PLD5: variants seen among roughly 807,000 people sequenced by gnomAD.
PLD5 encodes phospholipase D family member 5.
Under a neutral mutation model 61.1 loss-of-function variants are expected in PLD5, and 36 were observed. That is an observed-to-expected ratio of 0.59 (90% CI 0.45 to 0.78). The LOEUF (loss-of-function observed/expected upper bound fraction) is 0.78, where lower values mean the gene tolerates loss of function less well. Among genes scored for constraint, PLD5 ranks in the 30% least tolerant of loss-of-function variants. PLD5 has a pLI of 0.00. For synonymous variants in PLD5, 243 were observed against 242.8 expected (o/e 1.00, Z -0.01); for missense variants, 515 against 644.4 (o/e 0.80, Z 2.17).
At chr1:242,302,980 C>T (rs1360436709) in intron 2 of PLD5, among the ~76,000 whole-genome samples, 1 of 152,098 alleles carries the variant, frequency 6.6e-6, no homozygotes, top group Non-Finnish European at 1.5e-5. Flanking sequence ...ATATGAAATT[C>T]TCCTGGATAT....
intron 5 of PLD5, among the ~76,000 whole-genome samples, chr1:242,199,266 G>T (rs987691934): frequency 1.3e-5 from 2 of 151,498 alleles, no homozygotes; most frequent in East Asian, 2.0e-4. Context: ...ATATTTATGG[G>T]GTTTTTGAGA....
Position 242,169,938 on chromosome 1 carries a change from G to C in PLD5, c.736-45273C>G, listed in dbSNP as rs867797449. ...AAAAAAGGCAGCAGCCCCAGTCAGG[G>C]ACTTATAGATAAAACCCTCATCTCT... On this transcript the variant is annotated intron_variant, in intron 5 of 9. Coordinates refer to ENST00000536534, the MANE Select transcript of PLD5 (RefSeq NM_001372062.1). 2.0e-5 allele frequency among the ~76,000 whole-genome samples: 3 copies of C among 152,226 alleles called. No individual in the cohort carries two copies. The South Asian group carries it at 6.2e-4, about 31-fold the overall frequency.
chr1:242,233,484 G>A (rs969758052), intron 4 of PLD5, among the ~76,000 whole-genome samples: 1 of 150,050 alleles, frequency 6.7e-6, no homozygotes, highest in African/African-American at 2.4e-5. Context: ...AGAAGAGACT[G>A]ATTTCTAATG....
intron 1 of PLD5, among the ~76,000 whole-genome samples, chr1:242,511,945 A>G (rs1668924108): frequency 1.3e-5 from 2 of 152,170 alleles, no homozygotes; most frequent in South Asian, 4.1e-4. Context: ...TTTAATAGAA[A>G]GATACATTGG....
At chr1:242,521,978 T>C (rs1669295511) in intron 1 of PLD5, among the ~76,000 whole-genome samples, 1 of 152,138 alleles carries the variant, frequency 6.6e-6, no homozygotes, top group South Asian at 2.1e-4. Flanking sequence ...CAAAAAAAAT[T>C]TATATTGTAT....
intron 1 of PLD5, among the ~76,000 whole-genome samples, chr1:242,506,362 T>C (rs1327609321): frequency 6.6e-6 from 1 of 152,142 alleles, no homozygotes; most frequent in African/African-American, 2.4e-5. Flanking sequence ...GGCATCCACG[T>C]TTGCTATTTA....
At chr1:242,238,900 C>T (rs569506902) in intron 4 of PLD5, among the ~76,000 whole-genome samples, 1 of 152,152 alleles carries the variant, frequency 6.6e-6, no homozygotes, top group African/African-American at 2.4e-5. Context: ...AAGGTTCTGC[C>T]CTGGTATCCT....
chr1:242,467,180 C>T (rs772028292), intron 1 of PLD5, among the ~76,000 whole-genome samples: 27 of 152,128 alleles, frequency 1.8e-4, no homozygotes, highest in Non-Finnish European at 3.4e-4. Context: ...AATGTAAATA[C>T]GTATGTCAAA....
intron 5 of PLD5, among the ~76,000 whole-genome samples, chr1:242,132,745 GATGTCTTATTTTCC>G (rs543753160): frequency 7.2e-5 from 11 of 152,204 alleles, no homozygotes; most frequent in Non-Finnish European, 1.2e-4. Context: ...TTAACTTCTT[GATGTCTTATTTTCC>G]ATGTCTACCA....
chr1:242,391,366 A>G (rs898889827), intron 1 of PLD5, among the ~76,000 whole-genome samples: 2 of 152,214 alleles, frequency 1.3e-5, no homozygotes, highest in East Asian at 3.8e-4. Context: ...AAAGTAACAT[A>G]AATAGGAAAA....
chr1:242,508,038 CT>C (rs1668783211), intron 1 of PLD5, among the ~76,000 whole-genome samples: 1 of 150,634 alleles, frequency 6.6e-6, no homozygotes, highest in South Asian at 2.1e-4. Flanking sequence ...ATTCAAATAG[CT>C]TTTCACCAGT....
intron 2 of PLD5, among the ~76,000 whole-genome samples, chr1:242,325,363 AT>A (rs1159948760): frequency 3.6e-5 from 5 of 139,280 alleles, no homozygotes; most frequent in South Asian, 2.6e-4. Context: ...GGCGAGATAT[AT>A]ATATATATAG....
At chr1:242,126,463 G>A (rs745808917) in intron 5 of PLD5, among the ~76,000 whole-genome samples, 13 of 152,228 alleles carry the variant, frequency 8.5e-5, no homozygotes, top group Admixed American at 3.9e-4. Context: ...AAAAATAGGC[G>A]CATAGCCCAA....
intron 4 of PLD5, among the ~76,000 whole-genome samples, chr1:242,262,138 T>C (rs1170789367): frequency 1.3e-5 from 2 of 152,194 alleles, no homozygotes; most frequent in African/African-American, 4.8e-5. Context: ...TATACAACAA[T>C]GTAAAATAAA....
rs183476494 is a variant in PLD5, at chr1:242,292,349, G to T, written c.327-3819C>A. ...TAAAGAACTAGCTAGTTTTAATTTT[G>T]CTTTGATATGATATAAAAGGTATAT... On this transcript the variant is annotated intron_variant, in intron 2 of 9. Coordinates refer to ENST00000536534, the MANE Select transcript of PLD5 (RefSeq NM_001372062.1). Among the ~76,000 whole-genome samples, 124 of 152,266 alleles carry T rather than the reference G, an allele frequency of 8.1e-4. 2 individuals are homozygous for T. The highest frequency in any genetic ancestry group is 2.9e-3 in the African/African-American group (122 of 41,554).
At chr1:242,241,486 T>G (rs1248591872) in intron 4 of PLD5, among the ~76,000 whole-genome samples, 1 of 152,126 alleles carries the variant, frequency 6.6e-6, no homozygotes, top group African/African-American at 2.4e-5. Flanking sequence ...CAAATCTCAT[T>G]AAAGGGAAGC....
intron 4 of PLD5, among the ~76,000 whole-genome samples, chr1:242,229,439 A>C (rs1187444300): frequency 6.6e-6 from 1 of 152,168 alleles, no homozygotes; most frequent in Non-Finnish European, 1.5e-5. Flanking sequence ...CCACCCTAAA[A>C]ACTAGAACCT....
chr1:242,244,724 A>C (rs984352769), intron 4 of PLD5, among the ~76,000 whole-genome samples: 1 of 152,228 alleles, frequency 6.6e-6, no homozygotes, highest in Non-Finnish European at 1.5e-5. Flanking sequence ...TCAGGGGTCA[A>C]GACCTCAACT....
intron 1 of PLD5, among the ~76,000 whole-genome samples, chr1:242,479,883 A>T (rs1230097060): frequency 2.0e-5 from 3 of 149,844 alleles, no homozygotes; most frequent in Non-Finnish European, 4.4e-5. Context: ...CTCTACTAAA[A>T]ATACAAAAAA....
Sources: gnomAD v4.1 joint callset for allele counts (sites outside exome capture counted in the v4.1 genomes callset) on GRCh38, gnomAD v4.1.1 for gene constraint, MANE v1.5 for transcripts, NCBI Gene and HGNC (gene_info 2026-07-23, HGNC 2026-07-21) for gene names.